Variants in SAMSN1 observed in about 807,000 individuals in gnomAD.
The protein encoded by SAMSN1 is SAM domain-containing protein SAMSN-1.
SAMSN1 carries 31 observed loss-of-function variants against 42.0 expected under a neutral mutation model. That is an observed-to-expected ratio of 0.74 (90% CI 0.55 to 1.00). The LOEUF is 1.00. SAMSN1 is among the 50% of genes least tolerant of loss of function. The pLI, the probability that SAMSN1 is intolerant of heterozygous loss-of-function variation, is 0.00. For synonymous variants in SAMSN1, 178 were observed against 151.9 expected (o/e 1.17, Z -1.26); for missense variants, 464 against 439.4 (o/e 1.06, Z -0.50).
chr21:14,518,553 G>A (rs2822716), intron 2 of SAMSN1, among the ~76,000 whole-genome samples: 79,606 of 151,950 alleles, frequency 0.52, 21,323 homozygotes, highest in African/African-American at 0.63. Context: ...ACCATTACTG[G>A]TAGGTGGACA....
At chr21:14,497,389 G>A (rs1204836502) in intron 7 of SAMSN1, among the ~76,000 whole-genome samples, 1 of 152,146 alleles carries the variant, frequency 6.6e-6, no homozygotes, top group African/African-American at 2.4e-5. Context: ...AAGATCAGGA[G>A]TTCGAGACCA....
chr21:14,635,947 C>A lies in SAMSN1; in HGVS notation c.156+7055G>T, dbSNP rs572335252. ...TTTACATTTGGTATTTCTCCTAATG[C>A]TATCCCTCCCCCAGTCCCCCACCCC... On this transcript the variant is annotated intron_variant, in intron 2 of 15. Coordinates refer to the SAMSN1 transcript ENST00000647101. Among the ~76,000 whole-genome samples, 20 of 152,206 alleles carry A rather than the reference C, an allele frequency of 1.3e-4. No individual in the cohort carries two copies. In the East Asian group the frequency reaches 3.5e-3, roughly 26 times the overall value.
chr21:14,541,520 T>TTGTTTGTTTG (rs1555835149), intron 1 of SAMSN1, among the ~76,000 whole-genome samples: 7 of 151,538 alleles, frequency 4.6e-5, no homozygotes, highest in African/African-American at 1.7e-4. Context: ...TTGTGGTTTT[T>TTGTTTGTTTG]TTTGTTTGTT....
At chr21:14,531,175 A>C (rs1979246216) in intron 1 of SAMSN1, among the ~76,000 whole-genome samples, 1 of 152,166 alleles carries the variant, frequency 6.6e-6, no homozygotes, top group Admixed American at 6.5e-5. Flanking sequence ...AGTTAAGAGA[A>C]GAATAACTTC....
intron 1 of SAMSN1, among the ~76,000 whole-genome samples, chr21:14,529,608 G>A (rs1057198882): frequency 1.3e-5 from 2 of 152,158 alleles, no homozygotes; most frequent in African/African-American, 2.4e-5. Flanking sequence ...AGAATCAACC[G>A]TGAGAGAAAT....
chr21:14,584,181 G>A (rs1223312688), upstream of SAMSN1, among the ~76,000 whole-genome samples: 3 of 152,090 alleles, frequency 2.0e-5, no homozygotes, highest in Non-Finnish European at 4.4e-5. Context: ...AGTATACAAA[G>A]TCTACCTGCT....
intron 5 of SAMSN1, 75 bp downstream of exon 5, chr21:14,510,235 T>C (rs1987623802): frequency 7.0e-7 from 1 of 1,436,194 alleles, no homozygotes; most frequent in African/African-American, 1.4e-5. Flanking sequence ...TTCCCACTGC[T>C]TATACTTGCT....
rs1982611360 is a variant in SAMSN1 at position 14,608,105 on chromosome 21, T to G, written c.322+1377A>C. On this transcript the variant is annotated intron_variant, in intron 5 of 15. Transcript: ENST00000647101. ...CATCCCTCTCACAGGAATACCAACTTGAATGGCTATTCACACAAGAGAGCA... is the reference window on the plus strand; with the variant it reads ...CATCCCTCTCACAGGAATACCAACTGGAATGGCTATTCACACAAGAGAGCA... 2.6e-5 allele frequency among the ~76,000 whole-genome samples: 4 copies of G among 152,148 alleles called. No homozygotes were observed. In the South Asian group the frequency reaches 8.3e-4, roughly 31 times the overall value.
intron 1 of SAMSN1, among the ~76,000 whole-genome samples, chr21:14,533,299 A>G (rs1979386509): frequency 1.3e-5 from 2 of 152,222 alleles, no homozygotes; most frequent in Admixed American, 6.5e-5. Flanking sequence ...GAAAATTCCA[A>G]TTTGCTCTTT....
chr21:14,582,267 G>A (rs2123247050), exon 2 of SAMSN1: 2 of 1,550,852 alleles, frequency 1.3e-6, no homozygotes, highest in Non-Finnish European at 1.7e-6. Context: ...GGGTTTTCAG[G>A]AAAAGGCTTC....
chr21:14,645,918 A>G (rs536003002), intron 1 of SAMSN1, among the ~76,000 whole-genome samples: 1 of 152,332 alleles, frequency 6.6e-6, no homozygotes, highest in East Asian at 1.9e-4. Context: ...TAAGCAGAAG[A>G]AAGAATTAGT....
At chr21:14,627,396 A>T (rs1206008574) in intron 2 of SAMSN1, among the ~76,000 whole-genome samples, 2 of 152,192 alleles carry the variant, frequency 1.3e-5, no homozygotes, top group African/African-American at 4.8e-5. Context: ...AAAATTTTTC[A>T]CCAAATTTTA....
upstream of SAMSN1, among the ~76,000 whole-genome samples, chr21:14,659,180 C>T (rs1983960788): frequency 6.6e-6 from 1 of 151,872 alleles, no homozygotes; most frequent in Non-Finnish European, 1.5e-5. Flanking sequence ...ATATTTCTTC[C>T]CATCTCCCAT....
chr21:14,649,097 A>G (rs886228115), intron 1 of SAMSN1, among the ~76,000 whole-genome samples: 2 of 152,156 alleles, frequency 1.3e-5, no homozygotes, highest in African/African-American at 2.4e-5. Context: ...GCCATAAAAA[A>G]GGATGAGTTC....
chr21:14,561,905 A>G (rs762067945), intron 2 of SAMSN1, among the ~76,000 whole-genome samples: 1 of 152,206 alleles, frequency 6.6e-6, no homozygotes, highest in Non-Finnish European at 1.5e-5. Flanking sequence ...GCCCAGGGCT[A>G]TCAGAAGCTG....
chr21:14,608,052 AAAG>A (rs1982609828), intron 5 of SAMSN1, among the ~76,000 whole-genome samples: 1 of 152,224 alleles, frequency 6.6e-6, no homozygotes, highest in South Asian at 2.1e-4. Flanking sequence ...GAAGTGGAGC[AAAG>A]TGGCTGAATA....
At chr21:14,511,486 A>G (rs1987686887) in intron 4 of SAMSN1, among the ~76,000 whole-genome samples, 1 of 152,228 alleles carries the variant, frequency 6.6e-6, no homozygotes, top group Non-Finnish European at 1.5e-5. Context: ...CATCCTTTAA[A>G]TGTTTCTGTG....
intron 1 of SAMSN1, among the ~76,000 whole-genome samples, chr21:14,647,615 T>A (rs1257338003): frequency 6.6e-5 from 9 of 136,148 alleles, no homozygotes. Flanking sequence ...TTCCTAACCA[T>A]GAGCATGGAA....
intron 1 of SAMSN1, among the ~76,000 whole-genome samples, chr21:14,645,315 CAG>C (rs932294718): frequency 2.0e-5 from 3 of 152,208 alleles, no homozygotes; most frequent in African/African-American, 7.2e-5. Context: ...ACTCATAACA[CAG>C]AGAGAGACTC....
Sources: allele counts gnomAD v4.1 joint callset (sites outside exome capture counted in the v4.1 genomes callset), GRCh38; gene constraint gnomAD v4.1.1; transcripts MANE v1.5; gene names NCBI Gene and HGNC (gene_info 2026-07-23, HGNC 2026-07-21).